Variants in MYT1 observed in about 807,000 individuals in gnomAD.
The protein encoded by MYT1 is myelin transcription factor 1.
Under a neutral mutation model 123.0 loss-of-function variants are expected in MYT1, and 23 were observed. That is an observed-to-expected ratio of 0.19 (90% CI 0.13 to 0.26). The LOEUF is 0.26. Ranked by LOEUF, MYT1 falls within the 10% of genes least tolerant of loss-of-function variation. The pLI is 1.00. For synonymous variants in MYT1, 518 were observed against 575.3 expected (o/e 0.90, Z 1.43); for missense variants, 1,125 against 1,472.5 (o/e 0.76, Z 3.86).
rs1330519648 is a variant in MYT1, at chr20:64,191,417, CA to C, written c.-1+1259del. 2.0e-5 allele frequency: 3 copies of C among 152,252 alleles called. No individual in the cohort carries two copies. Among genetic ancestry groups the C allele is most frequent in the African/African-American group, 7.2e-5 (3 of 41,460 alleles). The allele number at this position is 152,252 out of a possible 1,614,324, so 9.4% of individuals were successfully genotyped here. ...CCTCACAGCTGGAAGTAGAGGCTGA[CA>C]ATAGGCTTAGGCTGAAGCCCTTCCC... On this transcript the variant is annotated intron_variant, in intron 2 of 22. Transcript: ENST00000328439. This position sits in a 1 kb window ranked among gnomAD's most constrained non-coding sequence, Gnocchi z 4.1.
At chr20:64,235,412 G>A (rs1984484546) in intron 19 of MYT1, among the ~76,000 whole-genome samples, 1 of 140,898 alleles carries the variant, frequency 7.1e-6, no homozygotes, top group Admixed American at 7.1e-5. Flanking sequence ...TGGCCATGGT[G>A]GGTGATGCTG....
intron 7 of MYT1, among the ~76,000 whole-genome samples, chr20:64,210,750 T>G (rs1187109957): frequency 6.6e-6 from 1 of 152,258 alleles, no homozygotes; most frequent in African/African-American, 2.4e-5. Context: ...GGTTTACATT[T>G]CTGCCCAGGC....
chr20:64,227,041 G>T (rs2273445), intron 16 of MYT1, among the ~76,000 whole-genome samples: 1 of 152,228 alleles, frequency 6.6e-6, no homozygotes, highest in African/African-American at 2.4e-5. Flanking sequence ...GGACCCTACA[G>T]AAGTCCAAGC....
rs1181383471 is a variant in MYT1 at position 64,191,211 on chromosome 20, G to T, written c.-1+1051G>T. The stretch of plus-strand genomic sequence containing the variant: ...TTGTTTTATTTCGATCTTCCTAAGG[G>T]GAGGCAGATGGTGCAAGCCCTTCTT... On this transcript the variant is annotated intron_variant, in intron 2 of 22. Transcript: ENST00000328439. The surrounding 1 kb of genome is among the most constrained non-coding windows in gnomAD (Gnocchi z 4.1). Among the ~76,000 whole-genome samples the T allele has an allele frequency of 6.6e-6, 1 of 152,174 alleles. No individual in the cohort carries two copies. Among genetic ancestry groups the T allele is most frequent in the Non-Finnish European group, 1.5e-5 (1 of 68,026 alleles).
Position 64,213,755 on chromosome 20 carries a change from G to T in MYT1, c.1631+108G>T. The T allele has an allele frequency of 2.2e-6, 2 of 898,900 alleles. No homozygotes were observed. The highest frequency in any genetic ancestry group is 1.8e-6 in the Non-Finnish European group (1 of 567,472). The allele number at this position is 898,900 out of a possible 1,614,324, so 55.7% of individuals were successfully genotyped here. A position where few individuals can be genotyped will look rare whatever the true frequency, so the allele number is the denominator to read the frequency against. On this transcript the variant is annotated intron_variant, in intron 10 of 22. Coordinates refer to ENST00000328439, the MANE Select transcript of MYT1 (RefSeq NM_004535.3). The surrounding 1 kb of genome is among the most constrained non-coding windows in gnomAD (Gnocchi z 5.6). ...TGCATGTGTGTGAGTGCATGTGTGT[G>T]AGTGTACGTGCATGTGAGTGTACGT...
chr20:64,227,393 C>T (rs62219716), intron 16 of MYT1, 22 bp from the exon 17 acceptor site: 829 of 1,611,480 alleles, frequency 5.1e-4, no homozygotes, highest in Non-Finnish European at 6.9e-4. Context: ...GGCTCCCGTT[C>T]CAGTTCTGCT....
chr20:64,235,310 T>C (rs1440088844), intron 19 of MYT1, among the ~76,000 whole-genome samples: 5 of 71,734 alleles, frequency 7.0e-5, no homozygotes, highest in East Asian at 4.4e-4. Context: ...CCGAGCTGGC[T>C]GTGGTGGGTG....
At chr20:64,209,563 G>A (rs567797737) in intron 7 of MYT1, among the ~76,000 whole-genome samples, 1 of 152,224 alleles carries the variant, frequency 6.6e-6, no homozygotes, top group South Asian at 2.1e-4. Flanking sequence ...CCCCCAGGAA[G>A]AGTTAGCTGA....
At chr20:64,227,504 G>T (rs773283893) in intron 17 of MYT1, 27 bp downstream of exon 17, 1 of 1,605,140 alleles carries the variant, frequency 6.2e-7, no homozygotes, top group Non-Finnish European at 8.5e-7. Flanking sequence ...CTCAGGTCCT[G>T]GGCCCCAGGG....
chr20:64,201,807 C>T (rs74179902), intron 4 of MYT1, among the ~76,000 whole-genome samples: 14,476 of 152,194 alleles, frequency 0.095, 808 homozygotes, highest in Middle Eastern at 0.2. Flanking sequence ...GAAAACGCAC[C>T]GTTGTGGTCT....
At position 64,219,848 on chromosome 20, in the gene MYT1, C is replaced by A. The variant is rs754874693; in HGVS notation, c.2107C>A (p.Arg703Ser). The change falls in exon 13 of 23, where the codon CGC becomes AGC. Residue 703 changes from arginine to serine, a missense_variant. Physicochemically the swap from Arg to Ser is moderately radical, Grantham distance 110. Around this residue, in one of 4 missense-constraint regions of MYT1, gnomAD observed 429 missense variants for 604.1 expected, o/e 0.71. Coordinates refer to ENST00000328439, the MANE Select transcript of MYT1 (RefSeq NM_004535.3). ...PGVKSPDASQ[R>S]HSSTSAPSSS... is the part of the protein sequence containing the mutation. ...TGTGAAGTCTCCCGACGCCTCCCAG[C>A]GCCACAGCAGCACCAGCGCCCCCAG... 2 of 1,608,796 alleles carry A rather than the reference C, an allele frequency of 1.2e-6. No homozygotes were observed. The highest frequency in any genetic ancestry group is 1.1e-5 in the South Asian group (1 of 90,258).
In MYT1 at chr20:64,186,949, G is replaced by C. The variant is rs1224025844; in HGVS notation, c.-98-3114G>C. On this transcript the variant is annotated intron_variant, in intron 1 of 22. Coordinates refer to ENST00000328439, the MANE Select transcript of MYT1 (RefSeq NM_004535.3). The surrounding 1 kb of genome is among the most constrained non-coding windows in gnomAD (Gnocchi z 4.3). ...GTGGAGAGTTTTCCTGTAGCACGTG[G>C]CTCCGGCATCCACGTTTCCGTGGAG... 1.4e-5 allele frequency among the ~76,000 whole-genome samples: 2 copies of C among 146,782 alleles called. No homozygotes were observed.
intron 1 of MYT1, among the ~76,000 whole-genome samples, chr20:64,173,623 T>G (rs1309040216): frequency 6.6e-6 from 1 of 151,360 alleles, no homozygotes; most frequent in African/African-American, 2.4e-5. Context: ...CCTCCCTGAC[T>G]TCTCCTCCTG....
chr20:64,213,796 C>T lies in MYT1; in HGVS notation c.1631+149C>T, dbSNP rs1983755347. The T allele has an allele frequency of 1.1e-5, 8 of 695,992 alleles. No individual in the cohort carries two copies. The highest frequency in any genetic ancestry group is 9.1e-5 in the South Asian group (5 of 54,888). 43.1% of individuals were successfully genotyped at this position (695,992 alleles called of 1,614,324 possible). On this transcript the variant is annotated intron_variant, in intron 10 of 22. Coordinates refer to ENST00000328439, the MANE Select transcript of MYT1 (RefSeq NM_004535.3). This position sits in a 1 kb window ranked among gnomAD's most constrained non-coding sequence, Gnocchi z 5.6. Reference sequence around the variant, plus strand: ...GAGTGTACGTGCATGTGAGTGTGCACATGCCCCGGGCCCCCCAGGAGCAGA... The same window carrying T: ...GAGTGTACGTGCATGTGAGTGTGCATATGCCCCGGGCCCCCCAGGAGCAGA...
chr20:64,228,615 A>G (rs1371050684), intron 18 of MYT1, among the ~76,000 whole-genome samples: 4 of 151,822 alleles, frequency 2.6e-5, no homozygotes, highest in Admixed American at 2.6e-4. Flanking sequence ...GTGAACCCTG[A>G]CTCTGTGTGT....
In MYT1 at chr20:64,208,197, C is replaced by A; in HGVS notation, c.1001C>A (p.Pro334His). The A allele has an allele frequency of 6.2e-7, 1 of 1,613,954 alleles. No homozygotes were observed. Among genetic ancestry groups the A allele is most frequent in the South Asian group, 1.1e-5 (1 of 91,080 alleles). Reference sequence around the variant, plus strand: ...CCTGAGCTCCGGGGCCCAGAATCACCCAGTCCCAAGCCTGAGTACTCTGTT... The same window carrying A: ...CCTGAGCTCCGGGGCCCAGAATCACACAGTCCCAAGCCTGAGTACTCTGTT... ...KAPELRGPES[P>H]SPKPEYSVIV... is the part of the protein sequence containing the mutation. Residue 334 changes from proline to histidine, a missense_variant, in exon 7 of 23, where the codon CCC becomes CAC. Physicochemically the swap from Pro to His is moderately conservative, Grantham distance 77. This residue lies in a region of MYT1 where 406 missense variants were observed against 432.2 expected (regional missense o/e 0.94). Transcript: ENST00000328439. The surrounding 1 kb of genome is among the most constrained non-coding windows in gnomAD (Gnocchi z 5.4).
At chr20:64,187,213 C>G (rs1340517192) in intron 1 of MYT1, among the ~76,000 whole-genome samples, 1 of 145,126 alleles carries the variant, frequency 6.9e-6, no homozygotes, top group Non-Finnish European at 1.5e-5. Context: ...TTTCCTGTAG[C>G]CCGTGGCCCC....
Position 64,190,020 on chromosome 20 carries a change from C to G in MYT1, c.-98-43C>G, listed in dbSNP as rs1000500310. On this transcript the variant is annotated intron_variant, in intron 1 of 22. Transcript: ENST00000328439. This position sits in a 1 kb window ranked among gnomAD's most constrained non-coding sequence, Gnocchi z 4.1. Reference sequence around the variant, plus strand: ...CTTGAGCCAGCACGGCTGGCACCCACCAAGCTTTCCTTTTCTGACCTTGAA... The same window carrying G: ...CTTGAGCCAGCACGGCTGGCACCCAGCAAGCTTTCCTTTTCTGACCTTGAA... 1 of 152,700 alleles carries G rather than the reference C, an allele frequency of 6.5e-6. No homozygotes were observed. Among genetic ancestry groups the G allele is most frequent in the African/African-American group, 2.4e-5 (1 of 41,474 alleles). The allele number at this position is 152,700 out of a possible 1,614,324, so 9.5% of individuals were successfully genotyped here.
chr20:64,229,507 TG>T (rs1449243308), intron 18 of MYT1, among the ~76,000 whole-genome samples: 5 of 152,226 alleles, frequency 3.3e-5, no homozygotes, highest in Admixed American at 1.3e-4. Context: ...CTTCAGCATT[TG>T]CAGGATAGAG....
Sources: gnomAD v4.1 joint callset for allele counts (sites outside exome capture counted in the v4.1 genomes callset) on GRCh38, gnomAD v4.1.1 for gene constraint, gnomAD v4.1.1 regional missense constraint, Gnocchi (gnomAD v3.1) non-coding constraint, MANE v1.5 for transcripts, NCBI Gene and HGNC (gene_info 2026-07-23, HGNC 2026-07-21) for gene names.